Variants in VAV3 observed in about 807,000 individuals in gnomAD.
VAV3 encodes vav guanine nucleotide exchange factor 3.
VAV3 carries 94 observed loss-of-function variants against 131.2 expected under a neutral mutation model. That is an observed-to-expected ratio of 0.72 (90% CI 0.61 to 0.85). The LOEUF is 0.85. Ranked by LOEUF, VAV3 falls within the 40% of genes least tolerant of loss-of-function variation. The probability of loss-of-function intolerance (pLI) is 0.00; values close to 1 mark genes in which losing one functional copy is unlikely to be tolerated. For missense variants in VAV3, 939 were observed against 1,002.7 expected (o/e 0.94, Z 0.86); for synonymous variants, 349 against 342.0 (o/e 1.02, Z -0.22).
intron 25 of VAV3, among the ~76,000 whole-genome samples, chr1:107,589,222 G>T (rs991554458): frequency 4.6e-5 from 7 of 152,156 alleles, no homozygotes; most frequent in Non-Finnish European, 1.0e-4. Flanking sequence ...GCCCACCCAG[G>T]ACCTGTGAAC....
intron 2 of VAV3, among the ~76,000 whole-genome samples, chr1:107,867,977 T>C (rs1208457106): frequency 1.3e-5 from 2 of 152,040 alleles, no homozygotes; most frequent in Admixed American, 6.6e-5. Flanking sequence ...TAAAATGCTA[T>C]AGGGATGAAG....
chr1:107,871,335 C>A lies in VAV3; in HGVS notation c.321+3566G>T, dbSNP rs147843994. ...AACCCTCAACGTCCCCCATTCCCCC[C>A]CTCTCCCCCCACCAGACCTCAGCAG... On this transcript the variant is annotated intron_variant, in intron 2 of 26. Coordinates refer to ENST00000370056, the MANE Select transcript of VAV3 (RefSeq NM_006113.5). Among the ~76,000 whole-genome samples the A allele has an allele frequency of 5.9e-5, 9 of 151,582 alleles. 2 individuals carry two copies. The South Asian group carries it at 1.3e-3, about 21-fold the overall frequency.
At chr1:107,814,740 T>C (rs1175618891) in intron 2 of VAV3, among the ~76,000 whole-genome samples, 1 of 152,192 alleles carries the variant, frequency 6.6e-6, no homozygotes, top group African/African-American at 2.4e-5. Flanking sequence ...ACCATAATAA[T>C]TTTGAGCAAT....
At chr1:107,795,636 A>G (rs932838082) in intron 2 of VAV3, among the ~76,000 whole-genome samples, 1 of 152,234 alleles carries the variant, frequency 6.6e-6, no homozygotes, top group African/African-American at 2.4e-5. Flanking sequence ...CTTGATAACA[A>G]CCTGAATCAA....
intron 2 of VAV3, among the ~76,000 whole-genome samples, chr1:107,863,604 A>G (rs1047811082): frequency 6.6e-6 from 1 of 152,214 alleles, no homozygotes; most frequent in African/African-American, 2.4e-5. Flanking sequence ...CTATCAGCGA[A>G]ATCCAAAAAT....
At chr1:107,886,638 T>C (rs1348669734) in intron 1 of VAV3, among the ~76,000 whole-genome samples, 5 of 152,214 alleles carry the variant, frequency 3.3e-5, no homozygotes. Flanking sequence ...GTTTCCAAAA[T>C]AGCTTTCCTC....
chr1:107,577,831 C>T (rs771102010), intron 25 of VAV3, among the ~76,000 whole-genome samples: 5 of 152,150 alleles, frequency 3.3e-5, no homozygotes, highest in Admixed American at 6.6e-5. Context: ...AAATAATTAT[C>T]TTCTTGAAGC....
intron 8 of VAV3, among the ~76,000 whole-genome samples, chr1:107,766,154 C>T (rs919357440): frequency 6.6e-5 from 10 of 152,232 alleles, no homozygotes; most frequent in African/African-American, 9.6e-5. Context: ...AAGATTACAT[C>T]GCTCAGTAAT....
intron 1 of VAV3, among the ~76,000 whole-genome samples, chr1:107,890,974 T>G (rs1342002240): frequency 6.6e-6 from 1 of 152,058 alleles, no homozygotes; most frequent in Non-Finnish European, 1.5e-5. Flanking sequence ...TTATTTTGGT[T>G]TTTTTAATCT....
chr1:107,658,059 C>T (rs1656709214), intron 19 of VAV3, among the ~76,000 whole-genome samples: 1 of 152,174 alleles, frequency 6.6e-6, no homozygotes, highest in Admixed American at 6.5e-5. Flanking sequence ...GGGCACAATA[C>T]TTCAATATCT....
chr1:107,713,845 T>C (rs1023770791), intron 15 of VAV3, among the ~76,000 whole-genome samples: 6 of 152,148 alleles, frequency 3.9e-5, no homozygotes, highest in African/African-American at 1.4e-4. Flanking sequence ...ATTTCACTTA[T>C]ACATCATCAC....
In VAV3 at chr1:107,642,766, G is replaced by A; in HGVS notation, c.1778-11C>T. 2.5e-6 allele frequency: 4 copies of A among 1,612,996 alleles called. No homozygotes were observed. The highest frequency in any genetic ancestry group is 3.4e-6 in the Non-Finnish European group (4 of 1,179,416). On this transcript the variant is annotated splice_polypyrimidine_tract_variant and intron_variant, in intron 19 of 26. Coordinates refer to ENST00000370056, the MANE Select transcript of VAV3 (RefSeq NM_006113.5). ...GCATCTTTGGTAAACCTGAAAATAA[G>A]CCAAACAAGTTTTAGAATTGAGAAA...
At chr1:107,959,479 A>C (rs566582646) in intron 1 of VAV3, among the ~76,000 whole-genome samples, 1 of 151,988 alleles carries the variant, frequency 6.6e-6, no homozygotes, top group Non-Finnish European at 1.5e-5. Flanking sequence ...ATATTGTTTA[A>C]ATCTTCTATC....
intron 15 of VAV3, among the ~76,000 whole-genome samples, chr1:107,733,183 T>G (rs1662365090): frequency 6.6e-6 from 1 of 152,084 alleles, no homozygotes; most frequent in African/African-American, 2.4e-5. Context: ...CAGAAAGGAA[T>G]AGCATCAACA....
chr1:107,727,902 T>C (rs541722530), intron 15 of VAV3, among the ~76,000 whole-genome samples: 3 of 152,298 alleles, frequency 2.0e-5, no homozygotes, highest in East Asian at 1.9e-4. Flanking sequence ...TAATTGAATA[T>C]GGAATTGCAA....
intron 24 of VAV3, among the ~76,000 whole-genome samples, chr1:107,600,660 C>T (rs1651779312): frequency 6.6e-6 from 1 of 152,006 alleles, no homozygotes; most frequent in Non-Finnish European, 1.5e-5. Flanking sequence ...GTCTCTATTG[C>T]TTTCACTATA....
rs1183409459 is a variant in VAV3 at position 107,677,687 on chromosome 1, T to G, written c.1777+5801A>C. 4 of 152,206 alleles carry G rather than the reference T, an allele frequency of 2.6e-5. No individual in the cohort carries two copies. In the East Asian group the frequency reaches 7.7e-4, roughly 29 times the overall value. The allele number at this position is 152,206 out of a possible 1,614,324, so 9.4% of individuals were successfully genotyped here. Reference sequence around the variant, plus strand: ...TAACTACTACAATAATAGAAATTGTTAGAAGTGCATAAATGGCCCAGAGTA... The same window carrying G: ...TAACTACTACAATAATAGAAATTGTGAGAAGTGCATAAATGGCCCAGAGTA... On this transcript the variant is annotated intron_variant, in intron 19 of 26. Coordinates refer to ENST00000370056, the MANE Select transcript of VAV3 (RefSeq NM_006113.5).
At position 107,638,679 on chromosome 1, in the gene VAV3, C is replaced by T. The variant is rs182494302; in HGVS notation, c.1914+3940G>A. Among the ~76,000 whole-genome samples, 258 of 152,034 alleles carry T rather than the reference C, an allele frequency of 1.7e-3. 2 individuals carry two copies. The highest frequency in any genetic ancestry group is 3.1e-4 in the Non-Finnish European group (21 of 67,962). On this transcript the variant is annotated intron_variant, in intron 20 of 26. Coordinates refer to ENST00000370056, the MANE Select transcript of VAV3 (RefSeq NM_006113.5). ...TTATTGGTGAAGTTGACAAGGTGATCGCAAAATTCATTTGACATGCAAAGG... is the reference window on the plus strand; with the variant it reads ...TTATTGGTGAAGTTGACAAGGTGATTGCAAAATTCATTTGACATGCAAAGG...
At chr1:107,756,857 C>T (rs925499804) in intron 11 of VAV3, among the ~76,000 whole-genome samples, 9 of 151,872 alleles carry the variant, frequency 5.9e-5, no homozygotes, top group South Asian at 2.1e-4. Flanking sequence ...AGCTGGCCTA[C>T]GACTTACACA....
Sources: gnomAD v4.1 joint callset for allele counts (sites outside exome capture counted in the v4.1 genomes callset) on GRCh38, gnomAD v4.1.1 for gene constraint, MANE v1.5 for transcripts, NCBI Gene and HGNC (gene_info 2026-07-23, HGNC 2026-07-21) for gene names.